Variants in CD44 observed in about 807,000 individuals in gnomAD.
The protein encoded by CD44 is CD44 antigen.
CD44 carries 49 observed loss-of-function variants against 88.8 expected under a neutral mutation model. That is an observed-to-expected ratio of 0.55 (90% CI 0.44 to 0.70). The LOEUF is 0.70. CD44 is among the 30% of genes least tolerant of loss of function. The pLI is 0.00. For synonymous variants in CD44, 325 were observed against 312.3 expected, an observed-to-expected ratio of 1.04 and a Z score of -0.43; for missense variants, 883 against 913.8, an observed-to-expected ratio of 0.97 and a Z score of 0.43.
At position 35,230,079 on chromosome 11, in the gene CD44, A is replaced by G. The variant is rs1949982747; in HGVS notation, c.*746A>G. The G allele has an allele frequency of 6.6e-6, 1 of 152,168 alleles. No individual in the cohort carries two copies. Among genetic ancestry groups the G allele is most frequent in the Non-Finnish European group, 1.5e-5 (1 of 68,040 alleles). The allele number at this position is 152,168 out of a possible 1,614,324, so 9.4% of individuals were successfully genotyped here. ...CTAAACCAGCACTGTCTGGGTCCCT[A>G]CAATGTATCAGGAAGAGCTGAGAAT... On this transcript the variant is annotated 3_prime_UTR_variant, in exon 18 of 18. Transcript: ENST00000428726.
chr11:35,139,532 A>C, intron 1 of CD44, 162 bp downstream of exon 1: 2 of 776,590 alleles, frequency 2.6e-6, no homozygotes, highest in South Asian at 2.7e-5. Context: ...TTTGCGCTAA[A>C]CCGTTGGAGA....
chr11:35,204,551 C>A lies in CD44; in HGVS notation c.1193C>A (p.Thr398Asn). ...TPSSTTEETA[T>N]QKEQWFGNRW... is the part of the protein sequence containing the mutation. ...AGTAGTACAACGGAAGAAACAGCTACCCAGAAGGAACAGTGGTTTGGCAAC... is the reference window on the plus strand; with the variant it reads ...AGTAGTACAACGGAAGAAACAGCTAACCAGAAGGAACAGTGGTTTGGCAAC... Residue 398 changes from threonine to asparagine, a missense_variant, in exon 10 of 18, where the codon ACC becomes AAC. By Grantham distance (65) the Thr-to-Asn change is moderately conservative. Coordinates refer to ENST00000428726, the MANE Select transcript of CD44 (RefSeq NM_000610.4). The A allele has an allele frequency of 1.2e-6, 2 of 1,613,366 alleles. No individual in the cohort carries two copies. The highest frequency in any genetic ancestry group is 1.7e-6 in the Non-Finnish European group (2 of 1,179,432).
chr11:35,174,579 TTACACAGGATCAAGTAGA>T, intron 1 of CD44, among the ~76,000 whole-genome samples: 1 of 152,296 alleles, frequency 6.6e-6, no homozygotes, highest in South Asian at 2.1e-4. Flanking sequence ...TTTGAGATTG[TTACACAGGATCAAGTAGA>T]AGAGGATGAT....
intron 17 of CD44, chr11:35,223,058 T>G (rs1949432669): frequency 1.0e-6 from 1 of 985,248 alleles, no homozygotes; most frequent in Non-Finnish European, 1.2e-6. Context: ...TTAATAAAAG[T>G]GCCATGTTAC....
intron 1 of CD44, among the ~76,000 whole-genome samples, chr11:35,151,523 C>T (rs1397592160): frequency 6.6e-6 from 1 of 152,206 alleles, no homozygotes; most frequent in Non-Finnish European, 1.5e-5. Context: ...GAACATTTCC[C>T]ATTGACTCCT....
At chr11:35,181,205 C>A (rs1046244389) in intron 3 of CD44, among the ~76,000 whole-genome samples, 12 of 152,016 alleles carry the variant, frequency 7.9e-5, no homozygotes, top group Non-Finnish European at 1.6e-4. Flanking sequence ...ATATGGTATG[C>A]CTTTGACCTT....
At chr11:35,225,619 C>A (rs796076384) in intron 17 of CD44, among the ~76,000 whole-genome samples, 97 of 152,148 alleles carry the variant, frequency 6.4e-4, no homozygotes, top group African/African-American at 2.2e-3. Context: ...GAGTTTGAGA[C>A]CAGCGTGGCC....
At position 35,149,236 on chromosome 11, in the gene CD44, T is replaced by C. The variant is rs114943969; in HGVS notation, c.67+9866T>C. On this transcript the variant is annotated intron_variant, in intron 1 of 17. Transcript: ENST00000428726. Reference sequence around the variant, plus strand: ...CCATGCTAGAGGAATAAAAGGGCAGTTGTTTCTTTCGGTCAATGGTTTGAA... The same window carrying C: ...CCATGCTAGAGGAATAAAAGGGCAGCTGTTTCTTTCGGTCAATGGTTTGAA... Among the ~76,000 whole-genome samples, 426 of 152,278 alleles carry C rather than the reference T, an allele frequency of 2.8e-3. 2 individuals are homozygous for C. The highest frequency in any genetic ancestry group is 1.0e-2 in the African/African-American group (414 of 41,544).
At chr11:35,145,111 C>T (rs1410071079) in intron 1 of CD44, among the ~76,000 whole-genome samples, 1 of 152,218 alleles carries the variant, frequency 6.6e-6, no homozygotes, top group African/African-American at 2.4e-5. Flanking sequence ...CCAAAGAATG[C>T]TAAAGACTTT....
rs1193604065 is a variant in CD44 at position 35,147,918 on chromosome 11, G to A, written c.67+8548G>A. 4.0e-5 allele frequency among the ~76,000 whole-genome samples: 6 copies of A among 151,884 alleles called. No individual in the cohort carries two copies. In the South Asian group the frequency reaches 6.3e-4, roughly 16 times the overall value. On this transcript the variant is annotated intron_variant, in intron 1 of 17. Transcript: ENST00000428726. ...AGCCTGACCAACATGGAGAAACCCC[G>A]TCTCTACTAAAAATACAAAAAAATT...
chr11:35,211,003 T>A (rs1239375949), intron 13 of CD44, among the ~76,000 whole-genome samples: 1 of 152,202 alleles, frequency 6.6e-6, no homozygotes, highest in Non-Finnish European at 1.5e-5. Context: ...CAAGCAGATG[T>A]TGCAACAAAT....
At chr11:35,179,719 G>C (rs1944808321) in intron 2 of CD44, among the ~76,000 whole-genome samples, 1 of 152,142 alleles carries the variant, frequency 6.6e-6, no homozygotes, top group Non-Finnish European at 1.5e-5. Context: ...TATAAACAAG[G>C]CTTCATGTTT....
chr11:35,182,471 A>G (rs973117972), intron 3 of CD44, among the ~76,000 whole-genome samples: 2 of 152,212 alleles, frequency 1.3e-5, no homozygotes, highest in South Asian at 2.1e-4. Context: ...TCCCTGTTAT[A>G]TGAGTGAAGA....
At chr11:35,225,407 T>G (rs1005217594) in intron 17 of CD44, among the ~76,000 whole-genome samples, 1 of 152,302 alleles carries the variant, frequency 6.6e-6, no homozygotes, top group Middle Eastern at 3.4e-3. Context: ...GGTCTCAGTC[T>G]GCCTCCTTCC....
At chr11:35,204,317 TA>T (rs1947609060) in intron 9 of CD44, among the ~76,000 whole-genome samples, 194 bp from the exon 10 acceptor site, 1 of 152,222 alleles carries the variant, frequency 6.6e-6, no homozygotes, top group Non-Finnish European at 1.5e-5. Context: ...ACAATTTTCC[TA>T]GCTGAAAAAT....
At chr11:35,171,337 C>A (rs1591032717) in intron 1 of CD44, among the ~76,000 whole-genome samples, 1 of 152,182 alleles carries the variant, frequency 6.6e-6, no homozygotes, top group African/African-American at 2.4e-5. Context: ...TCTTGCAACT[C>A]CTAAGTAGCT....
chr11:35,213,392 AATGTT>A (rs1948562881), intron 14 of CD44, among the ~76,000 whole-genome samples: 1 of 152,190 alleles, frequency 6.6e-6, no homozygotes, highest in Admixed American at 6.5e-5. Flanking sequence ...CTTTACGCTT[AATGTT>A]AAGAACTAAA....
chr11:35,209,653 G>T (rs947419379), intron 12 of CD44, among the ~76,000 whole-genome samples: 1 of 152,080 alleles, frequency 6.6e-6, no homozygotes, highest in African/African-American at 2.4e-5. Context: ...TGGTTTTCTG[G>T]AGTGACTGGG....
chr11:35,221,729 G>A lies in CD44; in HGVS notation c.2021G>A (p.Arg674Lys). The A allele has an allele frequency of 6.2e-7, 1 of 1,613,892 alleles. No homozygotes were observed. Among genetic ancestry groups the A allele is most frequent in the East Asian group, 2.2e-5 (1 of 44,886 alleles). The change falls in exon 17 of 18, where the codon AGA becomes AAA. Residue 674 changes from arginine to lysine, a missense_variant. Transcript: ENST00000428726. ...GTTTGCATTGCAGTCAACAGTCGAA[G>A]AAGGTAAGGGGCTGTCCTGGGGGCT... ...LAVCIAVNSRRRCGQKKKLVI... is the reference protein window; with the variant it reads ...LAVCIAVNSRKRCGQKKKLVI...
Sources: allele counts gnomAD v4.1 joint callset (sites outside exome capture counted in the v4.1 genomes callset), GRCh38; gene constraint gnomAD v4.1.1; transcripts MANE v1.5; gene names NCBI Gene and HGNC (gene_info 2026-07-23, HGNC 2026-07-21).